Variants in PPP5C observed in about 807,000 individuals in gnomAD.
PPP5C encodes the protein protein phosphatase 5 catalytic subunit.
A neutral mutation model predicts 66.7 loss-of-function variants in PPP5C; 21 were observed. That is an observed-to-expected ratio of 0.31 (90% CI 0.22 to 0.45). PPP5C has a LOEUF of 0.45. PPP5C is among the 20% of genes least tolerant of loss of function. The pLI, the probability that PPP5C is intolerant of heterozygous loss-of-function variation, is 1.00. For missense variants in PPP5C, 464 were observed against 675.9 expected (o/e 0.69, Z 3.48); for synonymous variants, 246 against 257.4 (o/e 0.96, Z 0.43).
rs199970142 is a variant in PPP5C at position 46,347,940 on chromosome 19, GA to G, written c.121+736del. On this transcript the variant is annotated intron_variant, in intron 1 of 12. Transcript: ENST00000012443. ...GTAATTTTGCAGGTGAACCAGACAT[GA>G]AAAAAAAAAAAACAAAAAAAAACCA... Among the ~76,000 whole-genome samples, 460 of 122,884 alleles carry G rather than the reference GA, an allele frequency of 3.7e-3. 2 individuals carry two copies. Among genetic ancestry groups the G allele is most frequent in the Middle Eastern group, 0.012 (3 of 244 alleles). 80.6% of individuals were successfully genotyped at this position (122,884 alleles called of 152,430 possible).
rs1302334028 is a variant in PPP5C at position 46,388,265 on chromosome 19, A to G, written c.1136-143A>G. ...TCACAGTCACCTGTCCTGAATGTCCATGTCCATGCTGGATGTCCCCTGCCC... is the reference window on the plus strand; with the variant it reads ...TCACAGTCACCTGTCCTGAATGTCCGTGTCCATGCTGGATGTCCCCTGCCC... On this transcript the variant is annotated intron_variant, in intron 9 of 12. Transcript: ENST00000012443. This position sits in a 1 kb window ranked among gnomAD's most constrained non-coding sequence, Gnocchi z 4.9. 6 of 839,376 alleles carry G rather than the reference A, an allele frequency of 7.1e-6. No individual in the cohort carries two copies. The highest frequency in any genetic ancestry group is 1.1e-5 in the Non-Finnish European group (6 of 548,014). 52.0% of individuals were successfully genotyped at this position (839,376 alleles called of 1,614,324 possible).
At chr19:46,382,622 T>C (rs947628802) in intron 4 of PPP5C, 3 of 165,482 alleles carry the variant, frequency 1.8e-5, no homozygotes, top group African/African-American at 7.2e-5. Context: ...GTCTACTTAT[T>C]TATGCATTTG....
rs748402213 is a variant in PPP5C at position 46,388,777 on chromosome 19, T to G, written c.1355+46T>G. On this transcript the variant is annotated intron_variant, in intron 11 of 12. Coordinates refer to ENST00000012443, the MANE Select transcript of PPP5C (RefSeq NM_006247.4). This position sits in a 1 kb window ranked among gnomAD's most constrained non-coding sequence, Gnocchi z 4.9. ...CCCAGGGCCTCTACCAAGCCACGGG[T>G]TTTTGTCTTGGTTTTTGTTTTGCCT... is the stretch of plus-strand genomic sequence containing the variant. The G allele has an allele frequency of 6.3e-7, 1 of 1,579,798 alleles. No individual in the cohort carries two copies. Among genetic ancestry groups the G allele is most frequent in the Admixed American group, 1.8e-5 (1 of 54,340 alleles).
At chr19:46,385,017 C>A in intron 7 of PPP5C, 108 bp downstream of exon 7, 1 of 889,736 alleles carries the variant, frequency 1.1e-6, no homozygotes, top group South Asian at 1.4e-5. Context: ...ACTCGGAGAT[C>A]ATGCACAGGG....
Position 46,387,354 on chromosome 19 carries a change from C to G in PPP5C, c.1048-12C>G. ...GCACCTTCCCTCACAGCGGCATCCC[C>G]CATCTCCCCAGATCATGCACGGAGG... On this transcript the variant is annotated splice_polypyrimidine_tract_variant and intron_variant, in intron 8 of 12. Transcript: ENST00000012443. The G allele has an allele frequency of 2.5e-6, 4 of 1,606,672 alleles. No individual in the cohort carries two copies. In the South Asian group the frequency reaches 4.4e-5, roughly 18 times the overall value.
chr19:46,382,201 T>A (rs1418172707), intron 4 of PPP5C: 1 of 152,134 alleles, frequency 6.6e-6, no homozygotes, highest in Non-Finnish European at 1.5e-5. Context: ...GTCACGCCAG[T>A]CCCCACACGG....
chr19:46,386,868 C>A, intron 7 of PPP5C: 1 of 630,056 alleles, frequency 1.6e-6, no homozygotes, highest in South Asian at 2.0e-5. Context: ...CTTGGCTTCC[C>A]AAAGTGCTGG....
chr19:46,355,345 T>C (rs1044320608), intron 2 of PPP5C, among the ~76,000 whole-genome samples: 11 of 151,984 alleles, frequency 7.2e-5, no homozygotes, highest in African/African-American at 2.7e-4. Context: ...GCTTGTGTCG[T>C]GTAGGGAGGG....
At chr19:46,375,348 C>T (rs1240192331) in intron 2 of PPP5C, among the ~76,000 whole-genome samples, 1 of 152,226 alleles carries the variant, frequency 6.6e-6, no homozygotes, top group Admixed American at 6.5e-5. Flanking sequence ...AGTCCTCAGA[C>T]AGGCAGTTGT....
chr19:46,371,843 G>A (rs1389200374), intron 2 of PPP5C, among the ~76,000 whole-genome samples: 1 of 152,198 alleles, frequency 6.6e-6, no homozygotes, highest in African/African-American at 2.4e-5. Flanking sequence ...CTTCTGGGCT[G>A]CTGCTCATTG....
chr19:46,387,724 A>C, intron 9 of PPP5C: 1 of 1,379,380 alleles, frequency 7.2e-7, no homozygotes, highest in Non-Finnish European at 9.5e-7. Flanking sequence ...CAGCTGTGGA[A>C]CCCTGGAAGG....
At position 46,374,595 on chromosome 19, in the gene PPP5C, C is replaced by A. The variant is rs772177115; in HGVS notation, c.364-1009C>A. Among the ~76,000 whole-genome samples, 3 of 152,130 alleles carry A rather than the reference C, an allele frequency of 2.0e-5. No homozygotes were observed. The South Asian group carries it at 6.2e-4, about 32-fold the overall frequency. On this transcript the variant is annotated intron_variant, in intron 2 of 12. Transcript: ENST00000012443. Reference sequence around the variant, plus strand: ...GCAGGAATCGGGGTAAATAAGGTTGCGGGGATAGGGCTCCTTTCACTGGGA... The same window carrying A: ...GCAGGAATCGGGGTAAATAAGGTTGAGGGGATAGGGCTCCTTTCACTGGGA...
chr19:46,372,715 G>A (rs997317372), intron 2 of PPP5C, among the ~76,000 whole-genome samples: 1 of 152,228 alleles, frequency 6.6e-6, no homozygotes, highest in African/African-American at 2.4e-5. Context: ...GCAGTTGTAA[G>A]AAGTAATGCA....
chr19:46,347,946 A>AC (rs968016482), intron 1 of PPP5C, among the ~76,000 whole-genome samples: 2 of 151,434 alleles, frequency 1.3e-5, no homozygotes, highest in African/African-American at 4.9e-5. Flanking sequence ...ACATGAAAAA[A>AC]AAAAAAACAA....
chr19:46,390,013 C>T, intron 11 of PPP5C, 38 bp from the exon 12 acceptor site: 1 of 1,599,244 alleles, frequency 6.3e-7, no homozygotes, highest in Non-Finnish European at 8.6e-7. Flanking sequence ...CCCCACCCAG[C>T]CCTGACCACA....
intron 7 of PPP5C, among the ~76,000 whole-genome samples, chr19:46,386,028 A>G (rs1972879537): frequency 6.6e-6 from 1 of 151,318 alleles, no homozygotes; most frequent in African/African-American, 2.4e-5. Flanking sequence ...TGAGACAAAG[A>G]GGGAACGAAA....
Position 46,387,464 on chromosome 19 carries a change from C to CG in PPP5C, c.1135+15dup. The CG allele has an allele frequency of 6.2e-7, 1 of 1,613,972 alleles. No homozygotes were observed. The highest frequency in any genetic ancestry group is 8.5e-7 in the Non-Finnish European group (1 of 1,179,848). ...AACCCCCAGATTCAGGTGAGCAGCGCGGGGCCAGGTGTCTCCAGCAGAAAG... is the reference window on the plus strand; with the variant it reads ...AACCCCCAGATTCAGGTGAGCAGCGCGGGGGCCAGGTGTCTCCAGCAGAAAG... On this transcript the variant is annotated intron_variant, in intron 9 of 12. Coordinates refer to ENST00000012443, the MANE Select transcript of PPP5C (RefSeq NM_006247.4).
intron 4 of PPP5C, among the ~76,000 whole-genome samples, chr19:46,381,169 T>G (rs924410925): frequency 6.6e-6 from 1 of 152,084 alleles, no homozygotes; most frequent in African/African-American, 2.4e-5. Context: ...TTTCTTACAT[T>G]GTATTTTTTA....
intron 7 of PPP5C, among the ~76,000 whole-genome samples, chr19:46,385,480 G>A (rs1972866525): frequency 6.6e-6 from 1 of 152,122 alleles, no homozygotes; most frequent in Admixed American, 6.6e-5. Context: ...TTTGTCTCCA[G>A]TAAACATTTT....
Sources: gnomAD v4.1 joint callset for allele counts (sites outside exome capture counted in the v4.1 genomes callset) on GRCh38, gnomAD v4.1.1 for gene constraint, Gnocchi (gnomAD v3.1) non-coding constraint, MANE v1.5 for transcripts, NCBI Gene and HGNC (gene_info 2026-07-23, HGNC 2026-07-21) for gene names.